NCKAP5: variants seen among roughly 807,000 people sequenced by gnomAD.
NCKAP5 encodes NCK associated protein 5, also known as nck-associated protein 5.
NCKAP5 carries 92 observed loss-of-function variants against 167.0 expected under a neutral mutation model. The ratio of observed to expected loss-of-function variants is 0.55; its 90% CI spans 0.47 to 0.66. The LOEUF is 0.66. Among genes scored for constraint, NCKAP5 ranks in the 30% least tolerant of loss-of-function variants. The pLI, the probability that NCKAP5 is intolerant of heterozygous loss-of-function variation, is 0.00. For synonymous variants in NCKAP5, 891 were observed against 877.4 expected, an observed-to-expected ratio of 1.02 and a Z score of -0.27; for missense variants, 2,378 against 2,315.0, an observed-to-expected ratio of 1.03 and a Z score of -0.56.
intron 3 of NCKAP5, among the ~76,000 whole-genome samples, chr2:133,401,673 G>C (rs1200289984): frequency 6.6e-6 from 1 of 152,110 alleles, no homozygotes; most frequent in Non-Finnish European, 1.5e-5. Flanking sequence ...AGGTATTATG[G>C]AGTAAAAGTA....
chr2:133,375,912 G>T (rs553972248), intron 3 of NCKAP5, among the ~76,000 whole-genome samples: 8 of 152,288 alleles, frequency 5.3e-5, no homozygotes, highest in South Asian at 4.1e-4. Context: ...AGTCAAAAAT[G>T]GGAAATGGGT....
intron 11 of NCKAP5, among the ~76,000 whole-genome samples, chr2:132,823,725 T>C (rs1187141069): frequency 6.6e-6 from 1 of 152,134 alleles, no homozygotes; most frequent in Admixed American, 6.5e-5. Flanking sequence ...ATGTTGAATG[T>C]AAATAGCCTA....
the NCKAP5 span, among the ~76,000 whole-genome samples, chr2:133,632,906 C>T: frequency 1.2e-4 from 19 of 152,212 alleles, 1 homozygote; most frequent in African/African-American, 4.6e-4. Flanking sequence ...CCATTTAGGT[C>T]CCTTGCATAT....
chr2:132,784,020 G>A lies in NCKAP5; in HGVS notation c.2791C>T (p.Pro931Ser). The A allele has an allele frequency of 6.4e-7, 1 of 1,567,218 alleles. No individual in the cohort carries two copies. Residue 931 changes from proline to serine, a missense_variant, in exon 14 of 20, where the codon CCC (proline) becomes TCC (serine). Physicochemically the swap from Pro to Ser is moderately conservative, Grantham distance 74. Around this residue, in one of 3 missense-constraint regions of NCKAP5, gnomAD observed 1,325 missense variants for 1,274.5 expected, o/e 1.04. Coordinates refer to ENST00000409261, the MANE Select transcript of NCKAP5 (RefSeq NM_207363.3). ...EAGVKSPSPP[P>S]PPGRSVSLLA... ...AGGGAGACGGACCTGCCTGGAGGGG[G>A]CGGAGGGGAAGGGGATTTCACCCCT...
chr2:133,492,091 T>C (rs1335958079), intron 3 of NCKAP5, among the ~76,000 whole-genome samples: 1 of 151,220 alleles, frequency 6.6e-6, no homozygotes, highest in Admixed American at 6.6e-5. Context: ...CTGATGCATC[T>C]CCCATCCTGC....
At chr2:133,277,955 T>C (rs1337040764) in intron 4 of NCKAP5, among the ~76,000 whole-genome samples, 3 of 152,174 alleles carry the variant, frequency 2.0e-5, no homozygotes, top group African/African-American at 7.2e-5. Context: ...ACATTAAATG[T>C]ATACCTCCCA....
chr2:133,515,597 A>G (rs551579802), intron 3 of NCKAP5, among the ~76,000 whole-genome samples: 5 of 152,332 alleles, frequency 3.3e-5, no homozygotes, highest in Admixed American at 2.0e-4. Context: ...GCAGCCCTCA[A>G]CAAGTTTCAG....
At chr2:132,979,996 C>CTTTTTTT (rs1273323851) in intron 7 of NCKAP5, among the ~76,000 whole-genome samples, 8 of 134,670 alleles carry the variant, frequency 5.9e-5, no homozygotes, top group African/African-American at 1.1e-4. Flanking sequence ...TTTTCTTTTT[C>CTTTTTTT]TTTTTTTTTT....
rs1375743957 is a variant in NCKAP5, at chr2:132,862,498, T to C, written c.688-1887A>G. 2.6e-5 allele frequency among the ~76,000 whole-genome samples: 4 copies of C among 152,330 alleles called. No homozygotes were observed. The South Asian group carries it at 8.3e-4, about 32-fold the overall frequency. Reference sequence around the variant, plus strand: ...ATCACGAGTGCACATTTTGTACTCATGAGCACACATGCCATTTGGCAGAGG... The same window carrying C: ...ATCACGAGTGCACATTTTGTACTCACGAGCACACATGCCATTTGGCAGAGG... On this transcript the variant is annotated intron_variant, in intron 10 of 19. Transcript: ENST00000409261.
Position 133,299,012 on chromosome 2 carries a change from G to A in NCKAP5, c.143+4025C>T, listed in dbSNP as rs190107516. 2.0e-3 allele frequency among the ~76,000 whole-genome samples: 305 copies of A among 151,522 alleles called. 1 individual carries two copies. Among genetic ancestry groups the A allele is most frequent in the African/African-American group, 7.1e-3 (295 of 41,368 alleles). ...CTGCACGTTGTGCACATGTACCCTA[G>A]AACTTAAAGTATAATTTAAAAAAAT... is the stretch of plus-strand genomic sequence containing the variant. On this transcript the variant is annotated intron_variant, in intron 4 of 19. Transcript: ENST00000409261.
At chr2:133,394,943 T>C (rs563685509) in intron 3 of NCKAP5, among the ~76,000 whole-genome samples, 58 of 152,344 alleles carry the variant, frequency 3.8e-4, no homozygotes, top group Admixed American at 1.4e-3. Context: ...AATAAAATTG[T>C]GCATTTTCAC....
chr2:133,362,913 C>G (rs1464678716), intron 3 of NCKAP5, among the ~76,000 whole-genome samples: 1 of 151,888 alleles, frequency 6.6e-6, no homozygotes, highest in Non-Finnish European at 1.5e-5. Context: ...GCCACCATGC[C>G]AGGCTAGTTT....
At chr2:132,868,784 T>A (rs2148758089) in intron 10 of NCKAP5, among the ~76,000 whole-genome samples, 152 bp downstream of exon 10, 1 of 152,324 alleles carries the variant, frequency 6.6e-6, no homozygotes, top group Admixed American at 6.5e-5. Flanking sequence ...CTGATGTTAC[T>A]TCATATGCCA....
intron 5 of NCKAP5, among the ~76,000 whole-genome samples, chr2:133,175,542 G>A (rs1262104135): frequency 1.3e-5 from 2 of 151,612 alleles, no homozygotes; most frequent in African/African-American, 2.4e-5. Flanking sequence ...TTTTTTTTTG[G>A]TGGTGATTTC....
At chr2:133,373,560 T>C (rs943356947) in intron 3 of NCKAP5, among the ~76,000 whole-genome samples, 1 of 152,210 alleles carries the variant, frequency 6.6e-6, no homozygotes, top group Non-Finnish European at 1.5e-5. Context: ...AATGACAAAC[T>C]AACTCTAAAG....
intron 3 of NCKAP5, among the ~76,000 whole-genome samples, chr2:133,383,926 A>C (rs1686728494): frequency 6.6e-6 from 1 of 151,394 alleles, no homozygotes; most frequent in African/African-American, 2.4e-5. Context: ...TTTTCTTGTA[A>C]ATTTGAGTTC....
rs60818895 is a variant in NCKAP5, at chr2:133,506,617, G to A, written c.69+10841C>T. On this transcript the variant is annotated intron_variant, in intron 3 of 19. Coordinates refer to ENST00000409261, the MANE Select transcript of NCKAP5 (RefSeq NM_207363.3). ...TCCCTCCACCTAAGTGGCATTTCCC[G>A]CCAAATGGTTCACTCCTTATAGCCA... Among the ~76,000 whole-genome samples the A allele has an allele frequency of 2.3e-3, 347 of 152,226 alleles. 3 individuals carry two copies. Among genetic ancestry groups the A allele is most frequent in the African/African-American group, 7.6e-3 (316 of 41,538 alleles).
intron 3 of NCKAP5, among the ~76,000 whole-genome samples, chr2:133,311,340 C>T (rs1681215846): frequency 6.6e-6 from 1 of 152,228 alleles, no homozygotes; most frequent in Admixed American, 6.5e-5. Context: ...GATGGAAGAG[C>T]TGCATAGGAC....
At chr2:133,658,433 A>G in the NCKAP5 span, among the ~76,000 whole-genome samples, 1 of 152,158 alleles carries the variant, frequency 6.6e-6, no homozygotes, top group Non-Finnish European at 1.5e-5. Flanking sequence ...AATAAAATGA[A>G]GGCAATTTGG....
Sources: gnomAD v4.1 joint callset for allele counts (sites outside exome capture counted in the v4.1 genomes callset) on GRCh38, gnomAD v4.1.1 for gene constraint, gnomAD v4.1.1 regional missense constraint, MANE v1.5 for transcripts, NCBI Gene and HGNC (gene_info 2026-07-23, HGNC 2026-07-21) for gene names.